KCNH7: variants seen among roughly 807,000 people sequenced by gnomAD.
The protein encoded by KCNH7 is potassium voltage-gated channel subfamily H member 7.
In KCNH7, 49 loss-of-function variants were observed where a neutral mutation model predicts 120.8. That is an observed-to-expected ratio of 0.41 (90% CI 0.32 to 0.51). KCNH7 has a LOEUF of 0.51. KCNH7 is among the 20% of genes least tolerant of loss of function. KCNH7 has a pLI of 0.38. For synonymous variants in KCNH7, 547 were observed against 516.1 expected (o/e 1.06, Z -0.81); for missense variants, 1,097 against 1,446.6 (o/e 0.76, Z 3.92).
chr2:162,767,019 A>G (rs1682843644), intron 2 of KCNH7, among the ~76,000 whole-genome samples: 1 of 152,192 alleles, frequency 6.6e-6, no homozygotes, highest in Non-Finnish European at 1.5e-5. Flanking sequence ...ATATAAGTTT[A>G]TAAAGAGTTT....
At chr2:162,487,421 T>C (rs984012286) in intron 6 of KCNH7, among the ~76,000 whole-genome samples, 9 of 152,140 alleles carry the variant, frequency 5.9e-5, no homozygotes, top group African/African-American at 2.2e-4. Flanking sequence ...AATGGAGTTT[T>C]TAAAAACTTC....
chr2:162,534,993 GAAT>G (rs1692059860), intron 3 of KCNH7, among the ~76,000 whole-genome samples: 1 of 151,626 alleles, frequency 6.6e-6, no homozygotes, highest in East Asian at 1.9e-4. Flanking sequence ...AAAAGGAAAA[GAAT>G]AATACACTCA....
chr2:162,409,088 G>A (rs1573924195), intron 9 of KCNH7, among the ~76,000 whole-genome samples: 1 of 151,592 alleles, frequency 6.6e-6, no homozygotes, highest in Non-Finnish European at 1.5e-5. Flanking sequence ...ATTAATGGAG[G>A]CAAATGCTGA....
intron 7 of KCNH7, among the ~76,000 whole-genome samples, chr2:162,438,079 T>C (rs927810235): frequency 5.9e-5 from 9 of 152,196 alleles, no homozygotes; most frequent in Non-Finnish European, 1.0e-4. Flanking sequence ...TTTTCTTGTT[T>C]TTGGAGCCAA....
chr2:162,670,690 T>G (rs1246815640), intron 2 of KCNH7, among the ~76,000 whole-genome samples: 1 of 151,720 alleles, frequency 6.6e-6, no homozygotes, highest in East Asian at 1.9e-4. Context: ...CTGTAATGAT[T>G]AGTTTTGCTA....
intron 12 of KCNH7, 96 bp from the exon 13 acceptor site, chr2:162,385,035 A>G (rs1686534057): frequency 5.4e-6 from 5 of 928,908 alleles, no homozygotes; most frequent in Admixed American, 2.8e-5. Flanking sequence ...TATATAAACT[A>G]GCTTTTTCCT....
intron 3 of KCNH7, among the ~76,000 whole-genome samples, chr2:162,532,711 T>C (rs1212144086): frequency 6.6e-6 from 1 of 151,964 alleles, no homozygotes; most frequent in Non-Finnish European, 1.5e-5. Context: ...AAGACAGTCA[T>C]GCATACATTT....
At chr2:162,668,023 A>AT (rs1192379313) in intron 2 of KCNH7, among the ~76,000 whole-genome samples, 1 of 152,192 alleles carries the variant, frequency 6.6e-6, no homozygotes, top group Non-Finnish European at 1.5e-5. Flanking sequence ...ATTGATTTCC[A>AT]TTTTCAACAG....
At chr2:162,485,535 G>A (rs564984252) in intron 6 of KCNH7, among the ~76,000 whole-genome samples, 2 of 152,270 alleles carry the variant, frequency 1.3e-5, no homozygotes, top group South Asian at 4.1e-4. Context: ...AACTCTACAC[G>A]TCAGAAACTC....
intron 11 of KCNH7, among the ~76,000 whole-genome samples, chr2:162,396,372 G>C (rs1280787751): frequency 6.6e-6 from 1 of 151,722 alleles, no homozygotes; most frequent in African/African-American, 2.4e-5. Context: ...ATAGCTGAGA[G>C]AATATTCTAA....
At chr2:162,784,171 A>C (rs1683613048) in intron 2 of KCNH7, among the ~76,000 whole-genome samples, 2 of 147,596 alleles carry the variant, frequency 1.4e-5, no homozygotes, top group South Asian at 2.1e-4. Flanking sequence ...ACTAAAAATG[A>C]AAAAAAAATA....
intron 2 of KCNH7, among the ~76,000 whole-genome samples, chr2:162,788,816 T>G (rs2105512434): frequency 6.6e-6 from 1 of 151,992 alleles, no homozygotes; most frequent in African/African-American, 2.4e-5. Flanking sequence ...AGATCGTCAC[T>G]GAGACATATT....
chr2:162,579,669 T>C lies in KCNH7; in HGVS notation c.308-42589A>G, dbSNP rs139314529. 5.2e-3 allele frequency among the ~76,000 whole-genome samples: 790 copies of C among 152,150 alleles called. 10 individuals carry two copies. The highest frequency in any genetic ancestry group is 0.018 in the African/African-American group (753 of 41,554). On this transcript the variant is annotated intron_variant, in intron 2 of 15. Transcript: ENST00000332142. Reference sequence around the variant, plus strand: ...GGGGACAGATGAAAAGTACCATTTATTGAACAGGGTGGGCACTTCTGAAAT... The same window carrying C: ...GGGGACAGATGAAAAGTACCATTTACTGAACAGGGTGGGCACTTCTGAAAT...
intron 6 of KCNH7, among the ~76,000 whole-genome samples, chr2:162,459,205 A>T (rs1202884422): frequency 6.6e-6 from 1 of 151,960 alleles, no homozygotes; most frequent in Non-Finnish European, 1.5e-5. Context: ...GGAAGCAGAA[A>T]AAAGGCATAA....
chr2:162,626,001 C>T (rs1683541803), intron 2 of KCNH7, among the ~76,000 whole-genome samples: 1 of 152,058 alleles, frequency 6.6e-6, no homozygotes, highest in Admixed American at 6.6e-5. Flanking sequence ...AGAGCTAGGA[C>T]TTAGGGGCAG....
At chr2:162,754,561 GT>G (rs1203016348) in intron 2 of KCNH7, among the ~76,000 whole-genome samples, 1 of 152,094 alleles carries the variant, frequency 6.6e-6, no homozygotes, top group Admixed American at 6.6e-5. Flanking sequence ...AAAAACCAGG[GT>G]TGGATCTGTA....
intron 10 of KCNH7, among the ~76,000 whole-genome samples, chr2:162,397,456 C>T (rs547369933): frequency 1.3e-5 from 2 of 151,796 alleles, no homozygotes; most frequent in Admixed American, 6.6e-5. Flanking sequence ...ACTTTTGAAT[C>T]TGCCCTTAAA....
intron 2 of KCNH7, among the ~76,000 whole-genome samples, chr2:162,581,688 C>A (rs1312417412): frequency 2.0e-5 from 3 of 151,918 alleles, no homozygotes; most frequent in Non-Finnish European, 4.4e-5. Flanking sequence ...GGTCACTAGA[C>A]TGACTGAAAA....
intron 6 of KCNH7, among the ~76,000 whole-genome samples, chr2:162,451,037 T>C (rs1688751256): frequency 6.6e-6 from 1 of 151,998 alleles, no homozygotes; most frequent in Non-Finnish European, 1.5e-5. Flanking sequence ...CTTTGAAGTG[T>C]TTGGAATAAA....
Sources: allele counts gnomAD v4.1 joint callset (sites outside exome capture counted in the v4.1 genomes callset), GRCh38; gene constraint gnomAD v4.1.1; transcripts MANE v1.5; gene names NCBI Gene and HGNC (gene_info 2026-07-23, HGNC 2026-07-21).